Variants in LRRTM4 observed in about 807,000 individuals in gnomAD.
The protein encoded by LRRTM4 is leucine rich repeat transmembrane neuronal 4, also known as leucine-rich repeat transmembrane neuronal protein 4.
Under a neutral mutation model 47.6 loss-of-function variants are expected in LRRTM4, and 25 were observed. The ratio of observed to expected loss-of-function variants is 0.53; its 90% CI spans 0.38 to 0.73. LRRTM4 has a LOEUF of 0.73. Ranked by LOEUF, LRRTM4 falls within the 30% of genes least tolerant of loss-of-function variation. LRRTM4 has a pLI of 0.00. For synonymous variants in LRRTM4, 311 were observed against 269.5 expected (o/e 1.15, Z -1.51); for missense variants, 638 against 713.4 (o/e 0.89, Z 1.20).
chr2:76,868,815 T>A lies in LRRTM4; in HGVS notation c.1552-119899A>T, dbSNP rs114086183. ...TCGATCTGTGATTATTCTAAGAACT[T>A]TTCTGGGCAGTCTTTTTTTACCCCA... is the stretch of plus-strand genomic sequence containing the variant. On this transcript the variant is annotated intron_variant, in intron 3 of 3. Transcript: ENST00000409884. Among the ~76,000 whole-genome samples the A allele has an allele frequency of 1.0e-2, 1,515 of 152,218 alleles. 10 individuals are homozygous for A. The highest frequency in any genetic ancestry group is 0.018 in the Non-Finnish European group (1,201 of 68,024).
intron 3 of LRRTM4, among the ~76,000 whole-genome samples, chr2:77,344,837 A>T (rs1166921566): frequency 6.6e-6 from 1 of 151,770 alleles, no homozygotes; most frequent in East Asian, 1.9e-4. Context: ...ACAGAGACAG[A>T]CATGAAGACT....
intron 3 of LRRTM4, among the ~76,000 whole-genome samples, chr2:76,931,630 G>T (rs1049622363): frequency 6.6e-6 from 1 of 152,046 alleles, no homozygotes; most frequent in Non-Finnish European, 1.5e-5. Flanking sequence ...AATCCAATTG[G>T]CTGGCTGGAT....
intron 3 of LRRTM4, among the ~76,000 whole-genome samples, chr2:76,973,383 T>C (rs1676288869): frequency 6.6e-6 from 1 of 152,024 alleles, no homozygotes; most frequent in Admixed American, 6.6e-5. Context: ...AATATTCTTA[T>C]ATGGGGGAAA....
At chr2:77,299,354 T>C (rs1241259664) in intron 3 of LRRTM4, among the ~76,000 whole-genome samples, 2 of 151,238 alleles carry the variant, frequency 1.3e-5, no homozygotes, top group Non-Finnish European at 2.9e-5. Flanking sequence ...TATATATATG[T>C]ATATATGTGT....
chr2:77,193,487 T>C (rs1673728839), intron 3 of LRRTM4, among the ~76,000 whole-genome samples: 1 of 152,064 alleles, frequency 6.6e-6, no homozygotes, highest in African/African-American at 2.4e-5. Context: ...AAAATTGATA[T>C]GCCTTGCTCT....
chr2:76,785,034 T>C (rs1674599839), intron 3 of LRRTM4, among the ~76,000 whole-genome samples: 1 of 152,112 alleles, frequency 6.6e-6, no homozygotes, highest in Non-Finnish European at 1.5e-5. Flanking sequence ...GTTGTCACTC[T>C]TATAATATGA....
At chr2:77,250,193 C>G (rs1469031803) in intron 3 of LRRTM4, among the ~76,000 whole-genome samples, 1 of 152,046 alleles carries the variant, frequency 6.6e-6, no homozygotes, top group Non-Finnish European at 1.5e-5. Flanking sequence ...TGGCAGTGCA[C>G]AGAAGATGTG....
chr2:77,207,866 CTTTT>C (rs754540782), intron 3 of LRRTM4, among the ~76,000 whole-genome samples: 8 of 42,612 alleles, frequency 1.9e-4, no homozygotes, highest in South Asian at 1.2e-3. Context: ...GGGAAAGTGG[CTTTT>C]TTTTTTTTTT....
At chr2:77,230,837 A>T (rs1674941753) in intron 3 of LRRTM4, among the ~76,000 whole-genome samples, 1 of 152,198 alleles carries the variant, frequency 6.6e-6, no homozygotes, top group African/African-American at 2.4e-5. Flanking sequence ...AATAGTTATC[A>T]CTTTAACAAT....
At chr2:77,219,412 C>G (rs567269552) in intron 3 of LRRTM4, among the ~76,000 whole-genome samples, 11 of 152,188 alleles carry the variant, frequency 7.2e-5, no homozygotes, top group African/African-American at 2.4e-4. Flanking sequence ...AATCCCTTCC[C>G]CCAGAAGTCT....
chr2:77,321,605 A>G (rs1320383182), intron 3 of LRRTM4, among the ~76,000 whole-genome samples: 1 of 151,814 alleles, frequency 6.6e-6, no homozygotes, highest in African/African-American at 2.4e-5. Context: ...AAAAGAAATG[A>G]ATTGCCATGA....
chr2:76,809,806 C>G (rs929431350), intron 3 of LRRTM4, among the ~76,000 whole-genome samples: 1 of 152,292 alleles, frequency 6.6e-6, no homozygotes, highest in East Asian at 1.9e-4. Context: ...CAGTTACTTG[C>G]TTAATAATCC....
chr2:77,175,247 C>T (rs1018215262), intron 3 of LRRTM4, among the ~76,000 whole-genome samples: 5 of 151,474 alleles, frequency 3.3e-5, no homozygotes, highest in African/African-American at 1.2e-4. Flanking sequence ...AGCTGAGTCT[C>T]GGGAGAAGCT....
At chr2:77,084,028 A>T (rs1224193048) in intron 3 of LRRTM4, among the ~76,000 whole-genome samples, 1 of 151,804 alleles carries the variant, frequency 6.6e-6, no homozygotes, top group Non-Finnish European at 1.5e-5. Context: ...GATGATCCCC[A>T]TCTCCTGACC....
chr2:77,083,822 T>TTTTTTTTTTTTTTTTTTTTTTTTC (rs1558569872), intron 3 of LRRTM4, among the ~76,000 whole-genome samples: 1 of 119,838 alleles, frequency 8.3e-6, no homozygotes, highest in Non-Finnish European at 1.6e-5. Flanking sequence ...TTTTTTTTTT[T>TTTTTTTTTTTTTTTTTTTTTTTTC]CAGACGGAGT....
At chr2:76,769,776 C>T (rs1365771621) in intron 3 of LRRTM4, among the ~76,000 whole-genome samples, 4 of 151,918 alleles carry the variant, frequency 2.6e-5, no homozygotes, top group East Asian at 1.9e-4. Flanking sequence ...AGTTGTTTCA[C>T]GGAAATTATC....
intron 3 of LRRTM4, among the ~76,000 whole-genome samples, chr2:77,064,193 G>A (rs1229691677): frequency 6.6e-6 from 1 of 151,834 alleles, no homozygotes; most frequent in African/African-American, 2.4e-5. Flanking sequence ...AAAGGATTGG[G>A]GAATTCTAAT....
chr2:76,983,324 A>C (rs1676677705), intron 3 of LRRTM4, among the ~76,000 whole-genome samples: 1 of 152,028 alleles, frequency 6.6e-6, no homozygotes, highest in Admixed American at 6.6e-5. Flanking sequence ...CAGTATCCCC[A>C]CCCAAATCTC....
intron 3 of LRRTM4, among the ~76,000 whole-genome samples, chr2:76,945,976 T>G (rs1675309930): frequency 6.6e-6 from 1 of 151,964 alleles, no homozygotes; most frequent in Non-Finnish European, 1.5e-5. Context: ...TCTCTTAAAA[T>G]AGCCATGATA....
Sources: gnomAD v4.1 joint callset for allele counts (sites outside exome capture counted in the v4.1 genomes callset) on GRCh38, gnomAD v4.1.1 for gene constraint, MANE v1.5 for transcripts, NCBI Gene and HGNC (gene_info 2026-07-23, HGNC 2026-07-21) for gene names.